TMPRSS12: variants seen among roughly 807,000 people sequenced by gnomAD.
The protein encoded by TMPRSS12 is transmembrane protease serine 12.
TMPRSS12 carries 25 observed loss-of-function variants against 26.0 expected under a neutral mutation model. That is an observed-to-expected ratio of 0.96 (90% CI 0.70 to 1.34). The LOEUF (loss-of-function observed/expected upper bound fraction) is 1.34, where lower values mean the gene tolerates loss of function less well. TMPRSS12 is among the 40% of genes most tolerant of loss of function. The pLI is 0.00. For synonymous variants in TMPRSS12, 150 were observed against 161.7 expected (o/e 0.93, Z 0.55); for missense variants, 441 against 440.1 (o/e 1.00, Z -0.02).
rs913897640 is a variant in TMPRSS12, at chr12:50,847,016, T to A, written c.383+2979T>A. ...TTTTCTGTTTCTGCAAAAAAAAAAA[T>A]GTCATTGGGATTTTGATAGGGATTG... On this transcript the variant is annotated intron_variant, in intron 2 of 4. Transcript: ENST00000398458. 2.1e-3 allele frequency among the ~76,000 whole-genome samples: 307 copies of A among 148,960 alleles called. 5 individuals are homozygous for A. The highest frequency in any genetic ancestry group is 7.4e-3 in the African/African-American group (292 of 39,556).
intron 1 of TMPRSS12, among the ~76,000 whole-genome samples, chr12:50,843,429 G>A (rs1937733825): frequency 6.6e-6 from 1 of 152,106 alleles, no homozygotes; most frequent in South Asian, 2.1e-4. Context: ...TTGAAAGGGA[G>A]GGCTATTAGG....
chr12:50,872,743 T>TCTATATATGTACATATATAG (rs767637269), intron 3 of TMPRSS12, among the ~76,000 whole-genome samples: 7 of 23,202 alleles, frequency 3.0e-4, no homozygotes, highest in Non-Finnish European at 5.1e-4. Context: ...TACATATATA[T>TCTATATATGTACATATATAG]ACGTCTATAT....
At chr12:50,854,162 G>C (rs1033662029) in intron 2 of TMPRSS12, among the ~76,000 whole-genome samples, 1 of 151,946 alleles carries the variant, frequency 6.6e-6, no homozygotes, top group African/African-American at 2.4e-5. Context: ...ATGCAAAATT[G>C]GTTCAACATA....
chr12:50,857,735 C>G (rs1937892222), intron 2 of TMPRSS12, among the ~76,000 whole-genome samples: 1 of 152,002 alleles, frequency 6.6e-6, no homozygotes, highest in African/African-American at 2.4e-5. Context: ...TTTATCAAAT[C>G]CTTTCTTGCG....
At position 50,847,987 on chromosome 12, in the gene TMPRSS12, T is replaced by A. The variant is rs147440912; in HGVS notation, c.383+3950T>A. 301 of 152,162 alleles carry A rather than the reference T, an allele frequency of 2.0e-3. 1 individual carries two copies. Among genetic ancestry groups the A allele is most frequent in the African/African-American group, 6.9e-3 (285 of 41,524 alleles). 9.4% of individuals were successfully genotyped at this position (152,162 alleles called of 1,614,324 possible). ...GGTCTGAGTTCTTTCACCAGTAATA[T>A]GAGGTACGGGACTACTTGGCCAAGT... is the stretch of plus-strand genomic sequence containing the variant. On this transcript the variant is annotated intron_variant, in intron 2 of 4. Coordinates refer to ENST00000398458, the MANE Select transcript of TMPRSS12 (RefSeq NM_182559.3).
chr12:50,881,915 G>A (rs1938166851), intron 3 of TMPRSS12, among the ~76,000 whole-genome samples: 1 of 135,470 alleles, frequency 7.4e-6, no homozygotes, highest in East Asian at 2.2e-4. Flanking sequence ...AGGTTGCAGT[G>A]AGCCAAGATA....
intron 4 of TMPRSS12, 33 bp from the exon 5 acceptor site, chr12:50,887,229 G>A: frequency 6.2e-7 from 1 of 1,601,016 alleles, no homozygotes; most frequent in African/African-American, 1.3e-5. Flanking sequence ...AATACTAGAA[G>A]TAACAAACAC....
intron 3 of TMPRSS12, among the ~76,000 whole-genome samples, chr12:50,872,666 TAC>T (rs1367700378): frequency 1.5e-5 from 1 of 64,682 alleles, no homozygotes; most frequent in African/African-American, 5.5e-5. Context: ...GACGTATATG[TAC>T]ATATATATGA....
intron 3 of TMPRSS12, among the ~76,000 whole-genome samples, chr12:50,863,525 A>G (rs1212112903): frequency 6.6e-6 from 1 of 152,208 alleles, no homozygotes; most frequent in Non-Finnish European, 1.5e-5. Flanking sequence ...AACAACCAAA[A>G]TGTCCTTCAA....
chr12:50,874,694 T>C (rs1938096582), intron 3 of TMPRSS12, among the ~76,000 whole-genome samples: 1 of 152,190 alleles, frequency 6.6e-6, no homozygotes, highest in South Asian at 2.1e-4. Context: ...CTCCTGGAAC[T>C]GATAAATGAC....
chr12:50,850,114 G>A (rs886317716), intron 2 of TMPRSS12, among the ~76,000 whole-genome samples: 9 of 152,110 alleles, frequency 5.9e-5, no homozygotes, highest in African/African-American at 1.7e-4. Context: ...TGCATTGTAC[G>A]ATGATATAGT....
intron 2 of TMPRSS12, among the ~76,000 whole-genome samples, chr12:50,850,997 C>T (rs906359953): frequency 2.6e-5 from 4 of 152,198 alleles, no homozygotes; most frequent in African/African-American, 9.6e-5. Context: ...CTAAACCCAA[C>T]TTATAACACA....
intron 2 of TMPRSS12, 113 bp from the exon 3 acceptor site, chr12:50,858,672 C>T: frequency 1.2e-6 from 1 of 807,294 alleles, no homozygotes; most frequent in East Asian, 3.0e-5. Flanking sequence ...TCACATGAAA[C>T]TGGAATTAAA....
rs869152225 is a variant in TMPRSS12, at chr12:50,880,966, C to CTTTTTTTT, written c.653-4254_653-4247dup. Reference sequence around the variant, plus strand: ...CTATAGAGACAGGAATCAGTAATTTCTTTTTTTTTTTTTTTTTTTTTTTTT... The same window carrying CTTTTTTTT: ...CTATAGAGACAGGAATCAGTAATTTCTTTTTTTTTTTTTTTTTTTTTTTTTTTTTTTTT... On this transcript the variant is annotated intron_variant, in intron 3 of 4. Coordinates refer to ENST00000398458, the MANE Select transcript of TMPRSS12 (RefSeq NM_182559.3). 2.3e-3 allele frequency among the ~76,000 whole-genome samples: 141 copies of CTTTTTTTT among 61,798 alleles called. 11 individuals are homozygous for CTTTTTTTT. Among genetic ancestry groups the CTTTTTTTT allele is most frequent in the South Asian group, 2.7e-3 (3 of 1,104 alleles). 40.5% of individuals were successfully genotyped at this position (61,798 alleles called of 152,430 possible).
intron 2 of TMPRSS12, among the ~76,000 whole-genome samples, chr12:50,857,688 G>A (rs901100719): frequency 4.6e-5 from 7 of 152,076 alleles, no homozygotes; most frequent in Non-Finnish European, 7.4e-5. Context: ...GGCCAAGATC[G>A]ATGAGTTGCT....
At chr12:50,871,301 C>A (rs1938040146) in intron 3 of TMPRSS12, among the ~76,000 whole-genome samples, 1 of 152,084 alleles carries the variant, frequency 6.6e-6, no homozygotes, top group African/African-American at 2.4e-5. Flanking sequence ...CAAATACTTG[C>A]AGCCAACTGA....
In TMPRSS12 at chr12:50,844,046, T is replaced by C. The variant is rs1317878676; in HGVS notation, c.383+9T>C. ...TGCACTAAAGACGCTAGGTACGTAT[T>C]CAGAACACAACTATTTTTATGCTCT... On this transcript the variant is annotated intron_variant, in intron 2 of 4. Coordinates refer to ENST00000398458, the MANE Select transcript of TMPRSS12 (RefSeq NM_182559.3). 6.6e-7 allele frequency: 1 copy of C among 1,526,056 alleles called. No individual in the cohort carries two copies. Among genetic ancestry groups the C allele is most frequent in the Non-Finnish European group, 8.8e-7 (1 of 1,139,038 alleles). The allele number at this position is 1,526,056 out of a possible 1,614,324, so 94.5% of individuals were successfully genotyped here.
Position 50,859,070 on chromosome 12 carries a change from T to C in TMPRSS12, c.652+17T>C. 1 of 1,547,556 alleles carries C rather than the reference T, an allele frequency of 6.5e-7. No homozygotes were observed. Among genetic ancestry groups the C allele is most frequent in the Non-Finnish European group, 8.7e-7 (1 of 1,151,550 alleles). ...AAGAAGAAGGTAATTATGGTCTGAA[T>C]TTTACTGATACACATTTTCCTGATT... On this transcript the variant is annotated intron_variant, in intron 3 of 4. Coordinates refer to ENST00000398458, the MANE Select transcript of TMPRSS12 (RefSeq NM_182559.3).
chr12:50,885,824 C>CTTTTTTTTTTTTTTTTTTT, intron 4 of TMPRSS12: 1 of 186,310 alleles, frequency 5.4e-6, no homozygotes, highest in Non-Finnish European at 1.1e-5. Context: ...CCCGGCCATT[C>CTTTTTTTTTTTTTTTTTTT]TTTTTTTTTT....
Sources: gnomAD v4.1 joint callset for allele counts (sites outside exome capture counted in the v4.1 genomes callset) on GRCh38, gnomAD v4.1.1 for gene constraint, MANE v1.5 for transcripts, NCBI Gene and HGNC (gene_info 2026-07-23, HGNC 2026-07-21) for gene names.